Variants in TTC28 observed in about 807,000 individuals in gnomAD.
The protein encoded by TTC28 is tetratricopeptide repeat protein 28.
TTC28 carries 61 observed loss-of-function variants against 198.0 expected under a neutral mutation model. The ratio of observed to expected loss-of-function variants is 0.31; its 90% CI spans 0.25 to 0.38. TTC28 has a LOEUF of 0.38. Among genes scored for constraint, TTC28 ranks in the 10% least tolerant of loss-of-function variants. The pLI is 1.00. For missense variants in TTC28, 2,678 were observed against 3,164.0 expected (o/e 0.85, Z 3.69); for synonymous variants, 1,171 against 1,297.8 (o/e 0.90, Z 2.10).
rs548740213 is a variant in TTC28 at position 28,339,676 on chromosome 22, A to C, written c.382-33033T>G. On this transcript the variant is annotated intron_variant, in intron 2 of 22. Transcript: ENST00000397906. Reference sequence around the variant, plus strand: ...GCAATGAGTGAGGCTCCATGGGCGCAGGACCCTCCGAGCCAGGCATGGAAT... The same window carrying C: ...GCAATGAGTGAGGCTCCATGGGCGCCGGACCCTCCGAGCCAGGCATGGAAT... Among the ~76,000 whole-genome samples, 15 of 152,322 alleles carry C rather than the reference A, an allele frequency of 9.8e-5. No individual in the cohort carries two copies. The South Asian group carries it at 3.1e-3, about 32-fold the overall frequency.
At chr22:28,644,170 C>T (rs1156258037) in intron 1 of TTC28, among the ~76,000 whole-genome samples, 6 of 150,498 alleles carry the variant, frequency 4.0e-5, no homozygotes, top group South Asian at 2.1e-4. Context: ...GAGGCCGAGG[C>T]AGGCGGATCA....
At chr22:28,022,165 G>A (rs1467163760) in intron 13 of TTC28, among the ~76,000 whole-genome samples, 1 of 152,224 alleles carries the variant, frequency 6.6e-6, no homozygotes, top group East Asian at 1.9e-4. Flanking sequence ...AAGGCCTGGT[G>A]CTGTATGGCA....
At chr22:28,485,369 T>C (rs987569570) in intron 2 of TTC28, among the ~76,000 whole-genome samples, 1 of 152,210 alleles carries the variant, frequency 6.6e-6, no homozygotes, top group Non-Finnish European at 1.5e-5. Flanking sequence ...TGACTTTATG[T>C]TGCCTTTCTT....
chr22:28,506,657 G>A (rs565249794), intron 2 of TTC28, among the ~76,000 whole-genome samples: 2 of 152,092 alleles, frequency 1.3e-5, no homozygotes, highest in Admixed American at 6.5e-5. Context: ...AGGCATGTTC[G>A]GGCCAGCAAC....
chr22:28,328,518 C>T (rs745556959), intron 2 of TTC28, among the ~76,000 whole-genome samples: 11 of 151,848 alleles, frequency 7.2e-5, no homozygotes, highest in Non-Finnish European at 1.2e-4. Flanking sequence ...CTCTGGGAGG[C>T]CGAGGCGGGT....
intron 3 of TTC28, among the ~76,000 whole-genome samples, chr22:28,298,506 G>A (rs1204601358): frequency 6.6e-6 from 1 of 152,012 alleles, no homozygotes; most frequent in East Asian, 1.9e-4. Context: ...GGAGTGCAGT[G>A]GCATAATCGT....
intron 2 of TTC28, among the ~76,000 whole-genome samples, chr22:28,324,493 A>G (rs969695026): frequency 2.4e-4 from 36 of 152,178 alleles, no homozygotes; most frequent in African/African-American, 8.7e-4. Flanking sequence ...AATCCTCAAT[A>G]AAATACTGGC....
chr22:28,150,182 A>G (rs1426934834), intron 6 of TTC28, among the ~76,000 whole-genome samples: 1 of 152,228 alleles, frequency 6.6e-6, no homozygotes, highest in African/African-American at 2.4e-5. Flanking sequence ...ACAAATTTTC[A>G]TAAAGTTGAG....
At chr22:28,273,433 A>C (rs1465735258) in intron 5 of TTC28, among the ~76,000 whole-genome samples, 1 of 152,142 alleles carries the variant, frequency 6.6e-6, no homozygotes, top group Non-Finnish European at 1.5e-5. Flanking sequence ...AAAAAAAGAA[A>C]TTGAAATTCC....
chr22:28,590,034 CAAA>C (rs71194779), intron 2 of TTC28, among the ~76,000 whole-genome samples: 7 of 68,074 alleles, frequency 1.0e-4, no homozygotes, highest in African/African-American at 6.2e-4. Flanking sequence ...AAGACTCCAT[CAAA>C]AAAAAAAAAA....
intron 2 of TTC28, among the ~76,000 whole-genome samples, chr22:28,367,232 A>G (rs2046262162): frequency 6.6e-6 from 1 of 152,144 alleles, no homozygotes; most frequent in South Asian, 2.1e-4. Context: ...TTGAAATAAT[A>G]TCAAGTATCT....
intron 13 of TTC28, among the ~76,000 whole-genome samples, chr22:28,020,027 G>C (rs899118295): frequency 2.0e-5 from 3 of 152,258 alleles, no homozygotes; most frequent in Non-Finnish European, 4.4e-5. Flanking sequence ...GGACCAGAGA[G>C]AGCAAGAGAC....
chr22:28,560,497 G>C (rs2049852378), intron 2 of TTC28, among the ~76,000 whole-genome samples: 1 of 151,944 alleles, frequency 6.6e-6, no homozygotes, highest in African/African-American at 2.4e-5. Flanking sequence ...CTACCTCTCT[G>C]ACCTCATCTC....
intron 2 of TTC28, among the ~76,000 whole-genome samples, chr22:28,444,769 C>T (rs549327584): frequency 1.3e-4 from 20 of 152,236 alleles, no homozygotes; most frequent in Non-Finnish European, 2.2e-4. Context: ...GCGAACTTCT[C>T]GTCTCAAAAA....
chr22:28,032,173 TATATATATATATATAAA>T (rs556991611), intron 12 of TTC28, among the ~76,000 whole-genome samples: 1,935 of 103,460 alleles, frequency 0.019, 51 homozygotes, highest in African/African-American at 0.064. Flanking sequence ...TGTGTGTATA[TATATATATATATATAAA>T]ATATATATAT....
intron 2 of TTC28, among the ~76,000 whole-genome samples, chr22:28,352,342 G>A (rs1241944223): frequency 2.1e-5 from 3 of 145,308 alleles, no homozygotes; most frequent in Middle Eastern, 3.5e-3. Context: ...TATATCTCCC[G>A]GTAAGTGCAG....
intron 2 of TTC28, among the ~76,000 whole-genome samples, chr22:28,446,734 A>C (rs2047708898): frequency 6.6e-6 from 1 of 152,144 alleles, no homozygotes; most frequent in Non-Finnish European, 1.5e-5. Context: ...TTCTTTATAA[A>C]TTACCCAGTC....
chr22:28,069,330 C>G (rs888302160), intron 12 of TTC28, among the ~76,000 whole-genome samples: 2 of 152,158 alleles, frequency 1.3e-5, no homozygotes, highest in African/African-American at 4.8e-5. Context: ...CTATGTAAAA[C>G]AGAGACTACA....
intron 17 of TTC28, among the ~76,000 whole-genome samples, chr22:27,995,212 C>T (rs1235537059): frequency 6.6e-6 from 1 of 152,146 alleles, no homozygotes; most frequent in Non-Finnish European, 1.5e-5. Flanking sequence ...TCGACGCTGC[C>T]CCCGGTCCTC....
Sources: allele counts gnomAD v4.1 joint callset (sites outside exome capture counted in the v4.1 genomes callset), GRCh38; gene constraint gnomAD v4.1.1; transcripts MANE v1.5; gene names NCBI Gene and HGNC (gene_info 2026-07-23, HGNC 2026-07-21).